Variants in USH2A observed in about 807,000 individuals in gnomAD.
USH2A encodes the protein Usher syndrome 2A (autosomal recessive, mild).
In USH2A, 443 loss-of-function variants were observed where a neutral mutation model predicts 538.9. The ratio of observed to expected loss-of-function variants is 0.82; its 90% CI spans 0.76 to 0.89. The LOEUF (loss-of-function observed/expected upper bound fraction) is 0.89. Among genes scored for constraint, USH2A ranks in the 40% least tolerant of loss-of-function variants. The probability of loss-of-function intolerance (pLI) is 0.00; values close to 1 mark genes in which losing one functional copy is unlikely to be tolerated. For synonymous variants in USH2A, 2,413 were observed against 2,273.5 expected (o/e 1.06, Z -1.75); for missense variants, 6,633 against 6,324.8 (o/e 1.05, Z -1.65).
chr1:216,023,468 A>AAAAAAAAAAAAAAAAAAAAAC (rs1571897256), intron 32 of USH2A, among the ~76,000 whole-genome samples: 1 of 148,346 alleles, frequency 6.7e-6, no homozygotes, highest in African/African-American at 2.5e-5. Context: ...ACAAAAAAAA[A>AAAAAAAAAAAAAAAAAAAAAC]AAAAAAAAAA....
At chr1:215,867,807 T>C (rs1378440377) in intron 43 of USH2A, among the ~76,000 whole-genome samples, 1 of 152,242 alleles carries the variant, frequency 6.6e-6, no homozygotes, top group Non-Finnish European at 1.5e-5. Flanking sequence ...AATATTACTT[T>C]GCAGAAGGCA....
chr1:216,384,569 T>C (rs1571765489), intron 3 of USH2A, among the ~76,000 whole-genome samples: 1 of 152,160 alleles, frequency 6.6e-6, no homozygotes, highest in African/African-American at 2.4e-5. Context: ...CCTGAAATTG[T>C]GCACACCCTT....
chr1:216,362,920 C>G (rs2038521452), intron 4 of USH2A, among the ~76,000 whole-genome samples: 2 of 148,808 alleles, frequency 1.3e-5, no homozygotes, highest in Non-Finnish European at 1.5e-5. Flanking sequence ...GCCTGGGCGA[C>G]AAGAGCGAAA....
chr1:216,327,453 A>T, intron 5 of USH2A, 138 bp downstream of exon 5: 1 of 971,422 alleles, frequency 1.0e-6, no homozygotes, highest in South Asian at 1.4e-5. Flanking sequence ...CAAAGCAAAC[A>T]CTGTAAACAT....
intron 38 of USH2A, among the ~76,000 whole-genome samples, chr1:215,927,311 TG>T (rs1666260636): frequency 6.6e-6 from 1 of 152,172 alleles, no homozygotes; most frequent in Admixed American, 6.6e-5. Context: ...TCTAAATTTT[TG>T]TTCTCCTTTT....
intron 58 of USH2A, among the ~76,000 whole-genome samples, chr1:215,747,304 G>A (rs1660497794): frequency 6.6e-6 from 1 of 152,090 alleles, no homozygotes; most frequent in African/African-American, 2.4e-5. Flanking sequence ...AAAGAAACAG[G>A]AAAAGATATC....
chr1:215,720,851 A>T (rs1022885089), intron 61 of USH2A, among the ~76,000 whole-genome samples: 1 of 152,206 alleles, frequency 6.6e-6, no homozygotes, highest in African/African-American at 2.4e-5. Flanking sequence ...AGAAAATCCC[A>T]TGAGGCATCT....
At chr1:216,411,526 A>G (rs1445793676) in intron 3 of USH2A, among the ~76,000 whole-genome samples, 1 of 152,174 alleles carries the variant, frequency 6.6e-6, no homozygotes, top group African/African-American at 2.4e-5. Context: ...GGAGAGGACC[A>G]TATGATAATG....
intron 37 of USH2A, among the ~76,000 whole-genome samples, chr1:215,936,585 T>G (rs1340272644): frequency 6.6e-6 from 1 of 152,106 alleles, no homozygotes; most frequent in Non-Finnish European, 1.5e-5. Context: ...ACATAATAGT[T>G]GCTCATAAAC....
chr1:215,825,596 T>C (rs1268025566), intron 47 of USH2A, among the ~76,000 whole-genome samples: 1 of 152,208 alleles, frequency 6.6e-6, no homozygotes, highest in East Asian at 1.9e-4. Context: ...CTCTAAGATA[T>C]TAACCTAAAT....
chr1:216,102,824 T>G (rs12142018), intron 21 of USH2A, among the ~76,000 whole-genome samples: 43,896 of 151,916 alleles, frequency 0.29, 6,898 homozygotes, highest in South Asian at 0.36. Context: ...AAGTTACCCT[T>G]GTATCTTTTG....
intron 64 of USH2A, among the ~76,000 whole-genome samples, chr1:215,660,747 G>A (rs372360772): frequency 6.6e-6 from 1 of 152,102 alleles, no homozygotes; most frequent in East Asian, 1.9e-4. Context: ...TTTATTACTG[G>A]TTTCCATTAG....
chr1:216,385,157 C>A (rs2038985799), intron 3 of USH2A, among the ~76,000 whole-genome samples: 1 of 152,156 alleles, frequency 6.6e-6, no homozygotes, highest in Admixed American at 6.5e-5. Flanking sequence ...AAGGAAACAT[C>A]TCTTTCCAAT....
chr1:215,970,528 C>G lies in USH2A; in HGVS notation c.6957+97G>C, dbSNP rs193212311. Reference sequence around the variant, plus strand: ...TCTCCCATCCTGCTTGAAAGGCTAGCTGTGCAGAGGGTGAGTCACCGCCAC... The same window carrying G: ...TCTCCCATCCTGCTTGAAAGGCTAGGTGTGCAGAGGGTGAGTCACCGCCAC... On this transcript the variant is annotated intron_variant, in intron 36 of 71. Coordinates refer to ENST00000307340, the MANE Select transcript of USH2A (RefSeq NM_206933.4). The G allele has an allele frequency of 3.1e-5, 45 of 1,469,100 alleles. No individual in the cohort carries two copies. The African/African-American group carries it at 5.1e-4, about 17-fold the overall frequency. The allele number at this position is 1,469,100 out of a possible 1,614,324, so 91.0% of individuals were successfully genotyped here. A position where few individuals can be genotyped will look rare whatever the true frequency, so the allele number is the denominator to read the frequency against.
At chr1:216,306,723 AGATGTGGGTGCTCCCTG>A (rs1216046766) in intron 9 of USH2A, among the ~76,000 whole-genome samples, 6 of 152,068 alleles carry the variant, frequency 3.9e-5, no homozygotes, top group Non-Finnish European at 8.8e-5. Context: ...GGTGTTCCCT[AGATGTGGGTGCTCCCTG>A]GATGTGGGTG....
At chr1:215,794,885 C>T (rs529441373) in intron 50 of USH2A, among the ~76,000 whole-genome samples, 20 of 152,128 alleles carry the variant, frequency 1.3e-4, no homozygotes, top group Non-Finnish European at 2.8e-4. Flanking sequence ...GTGTATATTC[C>T]ATGCACTATT....
At chr1:216,016,053 T>C (rs905704255) in intron 32 of USH2A, among the ~76,000 whole-genome samples, 2 of 152,092 alleles carry the variant, frequency 1.3e-5, no homozygotes, top group Admixed American at 6.5e-5. Flanking sequence ...GGGACATGGA[T>C]GAAGCTGGAA....
intron 4 of USH2A, among the ~76,000 whole-genome samples, chr1:216,350,133 A>T (rs1221863409): frequency 6.6e-6 from 1 of 152,000 alleles, no homozygotes; most frequent in Non-Finnish European, 1.5e-5. Flanking sequence ...AAATAACCAG[A>T]TCTTGTGATA....
chr1:216,226,991 CAT>C (rs2035575708), intron 14 of USH2A, among the ~76,000 whole-genome samples: 1 of 152,186 alleles, frequency 6.6e-6, no homozygotes, highest in South Asian at 2.1e-4. Context: ...GCAGGAGACA[CAT>C]GTCACCCTTC....
Sources: gnomAD v4.1 joint callset for allele counts (sites outside exome capture counted in the v4.1 genomes callset) on GRCh38, gnomAD v4.1.1 for gene constraint, MANE v1.5 for transcripts, NCBI Gene and HGNC (gene_info 2026-07-23, HGNC 2026-07-21) for gene names.